PLEKHA7: variants seen among roughly 807,000 people sequenced by gnomAD.
PLEKHA7 encodes the protein pleckstrin homology domain-containing family A member 7.
In PLEKHA7, 104 loss-of-function variants were observed where a neutral mutation model predicts 170.0. The observed-to-expected ratio is 0.61, with a 90% CI of 0.52 to 0.72. The LOEUF is 0.72. Among genes scored for constraint, PLEKHA7 ranks in the 30% least tolerant of loss-of-function variants. The probability of loss-of-function intolerance (pLI) is 0.00; values close to 1 mark genes in which losing one functional copy is unlikely to be tolerated. For synonymous variants in PLEKHA7, 648 were observed against 660.8 expected (o/e 0.98, Z 0.30); for missense variants, 1,615 against 1,671.7 (o/e 0.97, Z 0.59).
chr11:16,835,293 G>T (rs1851429387), intron 9 of PLEKHA7, among the ~76,000 whole-genome samples: 1 of 152,100 alleles, frequency 6.6e-6, no homozygotes, highest in Admixed American at 6.6e-5. Flanking sequence ...GAGAGTTGCA[G>T]TGAGGACTCT....
At chr11:16,792,950 A>C (rs1319575135) in intron 19 of PLEKHA7, among the ~76,000 whole-genome samples, 1 of 152,192 alleles carries the variant, frequency 6.6e-6, no homozygotes, top group Non-Finnish European at 1.5e-5. Flanking sequence ...ATAAGTGTTA[A>C]AAACAAGTAA....
chr11:16,859,767 C>A (rs1853784658), intron 4 of PLEKHA7, among the ~76,000 whole-genome samples: 1 of 152,202 alleles, frequency 6.6e-6, no homozygotes, highest in Non-Finnish European at 1.5e-5. Context: ...CAGAGAAGAG[C>A]CTGTGCCCCC....
rs768700332 is a variant in PLEKHA7 at position 16,826,560 on chromosome 11, G to A, written c.903C>T (p.Val301=). Residue 301 remains valine, a synonymous_variant, in exon 10 of 27, where the codon GTC becomes GTT. Coordinates refer to ENST00000531066, the MANE Select transcript of PLEKHA7 (RefSeq NM_001329630.2). ...RDMEKVERQA[V]PQANHTESCH... is the part of the protein sequence containing the mutation. Reference sequence around the variant, plus strand: ...AGGACTCTGTGTGGTTGGCCTGGGGGACAGCCTGCCGCTCCACCTTCTCCA... The same window carrying A: ...AGGACTCTGTGTGGTTGGCCTGGGGAACAGCCTGCCGCTCCACCTTCTCCA... 16 of 1,613,770 alleles carry A rather than the reference G, an allele frequency of 9.9e-6. No individual in the cohort carries two copies. The Admixed American group carries it at 1.8e-4, about 18-fold the overall frequency.
In PLEKHA7 at chr11:16,789,071, C is replaced by T. The variant is rs768443467; in HGVS notation, c.3357+25G>A. On this transcript the variant is annotated intron_variant, in intron 23 of 26. Transcript: ENST00000531066. This position sits in a 1 kb window ranked among gnomAD's most constrained non-coding sequence, Gnocchi z 4.6. ...GGCACTCGGCTCCCTGTCCCTGCCC[C>T]GCTGCCTGGCCCCTCCTAACATACT... The T allele has an allele frequency of 1.9e-5, 30 of 1,593,874 alleles. No homozygotes were observed. Among genetic ancestry groups the T allele is most frequent in the Middle Eastern group, 4.0e-4 (2 of 4,962 alleles).
chr11:17,013,949 C>CCA (rs1555002866), intron 3 of PLEKHA7, 40 bp downstream of exon 3: 2 of 1,511,148 alleles, frequency 1.3e-6, no homozygotes, highest in East Asian at 5.5e-5. Flanking sequence ...GACCCCCCCC[C>CCA]CGCGGCACAG....
chr11:16,842,173 T>TGCTTCACTGC (rs145462801), intron 8 of PLEKHA7: 8,468 of 163,690 alleles, frequency 0.052, 747 homozygotes, highest in African/African-American at 0.19. Context: ...ATGTTCACTG[T>TGCTTCACTGC]GCTTCACTGC....
chr11:16,851,402 A>G, intron 7 of PLEKHA7, 111 bp from the exon 8 acceptor site: 1 of 597,994 alleles, frequency 1.7e-6, no homozygotes, highest in Non-Finnish European at 2.9e-6. Context: ...TGTAATGTCC[A>G]TCCTCCCACA....
At chr11:16,787,111 G>C (rs886102628) in intron 23 of PLEKHA7, 2 of 985,408 alleles carry the variant, frequency 2.0e-6, no homozygotes, top group South Asian at 4.7e-5. Flanking sequence ...AAATCTAACC[G>C]ATAAGATCCA....
At chr11:16,809,104 T>A (rs997259598) in intron 13 of PLEKHA7, among the ~76,000 whole-genome samples, 2 of 152,234 alleles carry the variant, frequency 1.3e-5, no homozygotes, top group African/African-American at 4.8e-5. Flanking sequence ...TGAGTCCTTT[T>A]CACCCTGGCA....
chr11:17,000,964 T>A (rs1433270323), intron 3 of PLEKHA7, among the ~76,000 whole-genome samples: 1 of 152,172 alleles, frequency 6.6e-6, no homozygotes, highest in Non-Finnish European at 1.5e-5. Context: ...CTAAGGTCTG[T>A]CCCTACTCCT....
intron 3 of PLEKHA7, among the ~76,000 whole-genome samples, chr11:17,006,167 TCAAGACCAG>T (rs563091290): frequency 2.6e-5 from 4 of 151,412 alleles, no homozygotes; most frequent in Admixed American, 6.6e-5. Context: ...GGTCAGGAGT[TCAAGACCAG>T]CCTGACCAAC....
chr11:16,862,573 C>T (rs1356674158), intron 4 of PLEKHA7, among the ~76,000 whole-genome samples: 1 of 152,220 alleles, frequency 6.6e-6, no homozygotes, highest in Middle Eastern at 3.2e-3. Context: ...AGCAGCTTCC[C>T]TTCCTCACAC....
intron 3 of PLEKHA7, among the ~76,000 whole-genome samples, chr11:16,995,099 A>C (rs1244256722): frequency 2.0e-5 from 3 of 152,210 alleles, no homozygotes; most frequent in Non-Finnish European, 4.4e-5. Context: ...CTATTAACTC[A>C]TTTAATCCCT....
chr11:16,848,468 T>C (rs756456904), intron 8 of PLEKHA7, among the ~76,000 whole-genome samples: 8 of 152,262 alleles, frequency 5.3e-5, no homozygotes. Flanking sequence ...ATGTTAAGCA[T>C]GCAAAATAAG....
chr11:16,935,045 G>A (rs927661167), intron 3 of PLEKHA7, among the ~76,000 whole-genome samples: 5 of 152,194 alleles, frequency 3.3e-5, no homozygotes, highest in Admixed American at 2.0e-4. Context: ...GGAACAAGAC[G>A]CCAGTTCAGT....
intron 19 of PLEKHA7, 103 bp downstream of exon 19, chr11:16,794,385 G>A: frequency 8.8e-7 from 1 of 1,138,232 alleles, no homozygotes; most frequent in East Asian, 2.3e-5. Context: ...ACGCTGGCTG[G>A]GTCCATTTCC....
At chr11:16,921,861 G>A (rs1310695064) in intron 3 of PLEKHA7, among the ~76,000 whole-genome samples, 1 of 152,212 alleles carries the variant, frequency 6.6e-6, no homozygotes, top group Non-Finnish European at 1.5e-5. Context: ...AAGGACACTG[G>A]CTCAAAGAGA....
chr11:16,929,333 G>A (rs1407964157), intron 3 of PLEKHA7, among the ~76,000 whole-genome samples: 1 of 152,168 alleles, frequency 6.6e-6, no homozygotes, highest in African/African-American at 2.4e-5. Flanking sequence ...TTAAACTAAA[G>A]GTTCCAACAT....
chr11:16,995,628 A>G (rs532190298), intron 3 of PLEKHA7, among the ~76,000 whole-genome samples: 1 of 152,302 alleles, frequency 6.6e-6, no homozygotes, highest in Admixed American at 6.5e-5. Flanking sequence ...GCTCCCTGAT[A>G]TCCCCCAGAG....
Sources: allele counts gnomAD v4.1 joint callset (sites outside exome capture counted in the v4.1 genomes callset), GRCh38; gene constraint gnomAD v4.1.1; non-coding constraint Gnocchi (gnomAD v3.1); transcripts MANE v1.5; gene names NCBI Gene and HGNC (gene_info 2026-07-23, HGNC 2026-07-21).